Variants in PCDH15 observed in about 807,000 individuals in gnomAD.
The protein encoded by PCDH15 is protocadherin related 15.
PCDH15 carries 129 observed loss-of-function variants against 178.5 expected under a neutral mutation model. That is an observed-to-expected ratio of 0.72 (90% confidence interval 0.63 to 0.84). The LOEUF (loss-of-function observed/expected upper bound fraction) is 0.84, where lower values mean the gene tolerates loss of function less well. Ranked by LOEUF, PCDH15 falls within the 40% of genes least tolerant of loss-of-function variation. PCDH15 has a pLI of 0.00. For synonymous variants in PCDH15, 800 were observed against 732.0 expected (o/e 1.09, Z -1.50); for missense variants, 2,230 against 2,099.9 (o/e 1.06, Z -1.21).
intron 2 of PCDH15, among the ~76,000 whole-genome samples, chr10:55,555,403 T>C (rs1416564879): frequency 6.6e-6 from 1 of 152,112 alleles, no homozygotes; most frequent in African/African-American, 2.4e-5. Context: ...CGTTTTATTT[T>C]CTCTCAAAGT....
At chr10:54,981,239 T>C (rs577527625) in intron 2 of PCDH15, among the ~76,000 whole-genome samples, 6 of 152,254 alleles carry the variant, frequency 3.9e-5, no homozygotes, top group African/African-American at 1.2e-4. Context: ...CTTCCTCCCC[T>C]TCTCTCGTCA....
At chr10:54,833,396 C>T (rs1473426589) in intron 3 of PCDH15, among the ~76,000 whole-genome samples, 1 of 152,164 alleles carries the variant, frequency 6.6e-6, no homozygotes, top group Admixed American at 6.6e-5. Context: ...AGATTACCCT[C>T]CACAAAGTGG....
At chr10:55,515,494 T>G (rs186129092) in intron 2 of PCDH15, among the ~76,000 whole-genome samples, 189 of 152,188 alleles carry the variant, frequency 1.2e-3, no homozygotes, top group African/African-American at 4.4e-3. Context: ...CACTATTGTT[T>G]GGAAAATATT....
At chr10:54,437,679 A>G (rs577052818) in intron 3 of PCDH15, among the ~76,000 whole-genome samples, 41 of 152,282 alleles carry the variant, frequency 2.7e-4, no homozygotes, top group African/African-American at 8.9e-4. Flanking sequence ...ATTAAATCTA[A>G]TATGTGGATG....
At chr10:54,721,290 T>C (rs1380746881) in intron 1 of PCDH15, among the ~76,000 whole-genome samples, 1 of 151,606 alleles carries the variant, frequency 6.6e-6, no homozygotes, top group Non-Finnish European at 1.5e-5. Flanking sequence ...AAGAATGATC[T>C]CAAAGTAACA....
At chr10:55,321,672 A>G (rs1264770849), upstream of PCDH15, among the ~76,000 whole-genome samples, 1 of 152,222 alleles carries the variant, frequency 6.6e-6, no homozygotes, top group African/African-American at 2.4e-5. Flanking sequence ...TGGAAACCCT[A>G]TAAGCAAGAA....
chr10:55,161,262 C>T (rs775518234), intron 2 of PCDH15, among the ~76,000 whole-genome samples: 2 of 152,114 alleles, frequency 1.3e-5, no homozygotes, highest in South Asian at 2.1e-4. Flanking sequence ...TGAGAATAAG[C>T]AAAGAGGAAG....
intron 20 of PCDH15, among the ~76,000 whole-genome samples, chr10:54,013,007 A>G (rs2092636797): frequency 1.3e-5 from 2 of 152,178 alleles, no homozygotes; most frequent in South Asian, 4.1e-4. Flanking sequence ...TGCTGTCTTT[A>G]AGAGGCCCAT....
chr10:55,566,735 A>T (rs536728299), intron 2 of PCDH15, among the ~76,000 whole-genome samples: 3 of 151,874 alleles, frequency 2.0e-5, no homozygotes, highest in African/African-American at 7.2e-5. Context: ...AAAATAAAAG[A>T]CCTGTCTTAT....
At chr10:54,242,897 C>T (rs1376808469) in intron 8 of PCDH15, among the ~76,000 whole-genome samples, 1 of 152,072 alleles carries the variant, frequency 6.6e-6, no homozygotes, top group Non-Finnish European at 1.5e-5. Context: ...AAAAGCCAAA[C>T]TTTGATGTAT....
intron 26 of PCDH15, among the ~76,000 whole-genome samples, chr10:53,883,302 AT>A (rs1327186566): frequency 1.3e-5 from 2 of 152,138 alleles, no homozygotes; most frequent in African/African-American, 4.8e-5. Flanking sequence ...GCCATTAAGA[AT>A]TTTTTTGTTT....
At chr10:54,015,514 C>T (rs552081222) in intron 20 of PCDH15, among the ~76,000 whole-genome samples, 25 of 152,266 alleles carry the variant, frequency 1.6e-4, no homozygotes, top group East Asian at 3.9e-4. Flanking sequence ...TACAATGCTA[C>T]GGTAACCAAA....
chr10:55,101,518 G>A (rs1842576492), intron 2 of PCDH15, among the ~76,000 whole-genome samples: 1 of 151,290 alleles, frequency 6.6e-6, no homozygotes, highest in South Asian at 2.1e-4. Context: ...AAAATCTAAT[G>A]TACATTCTGG....
At chr10:54,533,255 T>G (rs2084118441) in intron 2 of PCDH15, among the ~76,000 whole-genome samples, 1 of 152,190 alleles carries the variant, frequency 6.6e-6, no homozygotes. Context: ...ATTGAAAGTC[T>G]CAATTTCCAA....
intron 6 of PCDH15, among the ~76,000 whole-genome samples, chr10:54,331,229 C>A (rs1939487375): frequency 6.6e-6 from 1 of 151,624 alleles, no homozygotes; most frequent in Non-Finnish European, 1.5e-5. Context: ...TGTAGTTTAG[C>A]CTTCCATGTC....
chr10:54,269,688 C>T (rs1371732279), intron 8 of PCDH15, among the ~76,000 whole-genome samples: 1 of 151,890 alleles, frequency 6.6e-6, no homozygotes, highest in Non-Finnish European at 1.5e-5. Flanking sequence ...CATAACAATT[C>T]TATCTTTGAC....
chr10:54,153,000 A>T lies in PCDH15; in HGVS notation c.1784+100T>A. 2.3e-6 allele frequency: 3 copies of T among 1,304,798 alleles called. No homozygotes were observed. In the East Asian group the frequency reaches 7.5e-5, roughly 33 times the overall value. The allele number at this position is 1,304,798 out of a possible 1,614,324, so 80.8% of individuals were successfully genotyped here. A position where few individuals can be genotyped will look rare whatever the true frequency, so the allele number is the denominator to read the frequency against. On this transcript the variant is annotated intron_variant, in intron 14 of 37. Transcript: ENST00000644397. ...TCTCTGATTTTCTGATCTAATTTAG[A>T]TGTTTATAGGATAAAAGAATACTTG... is the stretch of plus-strand genomic sequence containing the variant.
chr10:55,457,998 A>G (rs1177869116), intron 2 of PCDH15, among the ~76,000 whole-genome samples: 1 of 152,050 alleles, frequency 6.6e-6, no homozygotes, highest in Non-Finnish European at 1.5e-5. Flanking sequence ...TGAGTACAAC[A>G]TAAGGAATCA....
chr10:54,402,960 G>T (rs760402369), intron 3 of PCDH15, among the ~76,000 whole-genome samples: 2 of 151,968 alleles, frequency 1.3e-5, no homozygotes, highest in African/African-American at 4.8e-5. Context: ...GCTTAATGAG[G>T]AAGGCATGTT....
Sources: gnomAD v4.1 joint callset for allele counts (sites outside exome capture counted in the v4.1 genomes callset) on GRCh38, gnomAD v4.1.1 for gene constraint, MANE v1.5 for transcripts, NCBI Gene and HGNC (gene_info 2026-07-23, HGNC 2026-07-21) for gene names.